Variants in AFG3L2 observed in about 807,000 individuals in gnomAD.
The protein encoded by AFG3L2 is mitochondrial inner membrane m-AAA protease component AFG3L2.
In AFG3L2, 54 loss-of-function variants were observed where a neutral mutation model predicts 94.5. The observed-to-expected ratio is 0.57, with a 90% CI of 0.46 to 0.72. The LOEUF is 0.72. AFG3L2 is among the 30% of genes least tolerant of loss of function. The pLI is 0.00. For missense variants in AFG3L2, 754 were observed against 994.9 expected (o/e 0.76, Z 3.26); for synonymous variants, 377 against 365.5 (o/e 1.03, Z -0.36).
intron 1 of AFG3L2, among the ~76,000 whole-genome samples, chr18:12,373,746 A>G (rs76450265): frequency 6.6e-6 from 1 of 152,164 alleles, no homozygotes; most frequent in Non-Finnish European, 1.5e-5. Flanking sequence ...GAGAAGGTCA[A>G]TGGCAAAGCA....
chr18:12,357,234 G>A (rs1159231400), intron 8 of AFG3L2, among the ~76,000 whole-genome samples: 1 of 152,062 alleles, frequency 6.6e-6, no homozygotes, highest in South Asian at 2.1e-4. Flanking sequence ...AAGTAAAATT[G>A]GTTTTTGAGC....
intron 12 of AFG3L2, among the ~76,000 whole-genome samples, chr18:12,349,044 C>A (rs1418831512): frequency 1.3e-5 from 2 of 152,174 alleles, no homozygotes; most frequent in African/African-American, 4.8e-5. Flanking sequence ...TGTATATAAT[C>A]TTTTCATACT....
chr18:12,352,936 A>C, intron 10 of AFG3L2, 69 bp downstream of exon 10: 1 of 1,596,842 alleles, frequency 6.3e-7, no homozygotes, highest in African/African-American at 1.3e-5. Context: ...CCTGGACGAC[A>C]GAGTCAGACT....
rs74648343 is a variant in AFG3L2, at chr18:12,371,766, T to G, written c.115-75A>C. On this transcript the variant is annotated intron_variant, in intron 1 of 16. Transcript: ENST00000269143. ...TTAAAAGAGCTTCATTTCCTGGTCATAAAGTAGATGAAAGGTCTCTCTCTT... is the reference window on the plus strand; with the variant it reads ...TTAAAAGAGCTTCATTTCCTGGTCAGAAAGTAGATGAAAGGTCTCTCTCTT... 1.6e-5 allele frequency: 20 copies of G among 1,215,384 alleles called. No individual in the cohort carries two copies. The East Asian group carries it at 5.0e-4, about 30-fold the overall frequency. 75.3% of individuals were successfully genotyped at this position (1,215,384 alleles called of 1,614,324 possible).
intron 6 of AFG3L2, chr18:12,360,374 T>C (rs1239001054): frequency 6.4e-6 from 2 of 312,490 alleles, no homozygotes; most frequent in Admixed American, 9.8e-5. Flanking sequence ...TCCCTCTTCC[T>C]CTATTTCCTA....
intron 13 of AFG3L2, among the ~76,000 whole-genome samples, chr18:12,347,550 TA>T (rs1331848784): frequency 5.4e-4 from 38 of 70,764 alleles, no homozygotes; most frequent in East Asian, 4.7e-3. Context: ...TATTTATTAT[TA>T]TTATTTTTTT....
Position 12,340,196 on chromosome 18 carries a change from C to T in AFG3L2, c.1980+5G>A. ...AGGAGGAAATGCACTCTTTCATATACTCACTTGGGCATATGCACTCTGAGT... is the reference window on the plus strand; with the variant it reads ...AGGAGGAAATGCACTCTTTCATATATTCACTTGGGCATATGCACTCTGAGT... On this transcript the variant is annotated splice_donor_5th_base_variant and intron_variant, in intron 15 of 16. Coordinates refer to ENST00000269143, the MANE Select transcript of AFG3L2 (RefSeq NM_006796.3). The T allele has an allele frequency of 6.2e-7, 1 of 1,610,976 alleles. No homozygotes were observed. Among genetic ancestry groups the T allele is most frequent in the Non-Finnish European group, 8.5e-7 (1 of 1,177,422 alleles).
chr18:12,351,507 G>A lies in AFG3L2; in HGVS notation c.1319-94C>T, dbSNP rs577933723. 5.7e-6 allele frequency: 6 copies of A among 1,052,546 alleles called. No homozygotes were observed. In the East Asian group the frequency reaches 9.9e-5, roughly 17 times the overall value. 65.2% of individuals were successfully genotyped at this position (1,052,546 alleles called of 1,614,324 possible). A position where few individuals can be genotyped will look rare whatever the true frequency, so the allele number is the denominator to read the frequency against. Reference sequence around the variant, plus strand: ...AACATATGAGCACTGCAAATTCATAGCTACAGTAAACACATTTTCTATTCA... The same window carrying A: ...AACATATGAGCACTGCAAATTCATAACTACAGTAAACACATTTTCTATTCA... On this transcript the variant is annotated intron_variant, in intron 10 of 16. Coordinates refer to ENST00000269143, the MANE Select transcript of AFG3L2 (RefSeq NM_006796.3).
intron 6 of AFG3L2, among the ~76,000 whole-genome samples, chr18:12,362,358 G>A (rs1287369135): frequency 6.6e-6 from 1 of 152,120 alleles, no homozygotes; most frequent in Non-Finnish European, 1.5e-5. Flanking sequence ...ATATACATTC[G>A]CTGTAAAAAC....
In AFG3L2 at chr18:12,370,884, G is replaced by A; in HGVS notation, c.257C>T (p.Ala86Val). The A allele has an allele frequency of 1.3e-6, 2 of 1,586,598 alleles. No homozygotes were observed. The highest frequency in any genetic ancestry group is 1.7e-6 in the Non-Finnish European group (2 of 1,158,152). ...YFPNGKNGKK[A>V]SEPKEVMGEK... The stretch of plus-strand genomic sequence containing the variant: ...TCCCATAACTTCTTTAGGTTCACTA[G>A]CTTTTTTTCCATTTTTTCCATTAGG... The change falls in exon 3 of 17, where the codon GCT becomes GTT. Residue 86 changes from alanine (A) to valine (V), a missense_variant. By Grantham distance (64) the Ala-to-Val change is moderately conservative. Coordinates refer to ENST00000269143, the MANE Select transcript of AFG3L2 (RefSeq NM_006796.3).
intron 16 of AFG3L2, among the ~76,000 whole-genome samples, chr18:12,334,252 G>A (rs780216402): frequency 6.6e-6 from 1 of 152,234 alleles, no homozygotes. Flanking sequence ...AAACTGTCCA[G>A]TGTTTCAAGA....
chr18:12,351,468 A>G, intron 10 of AFG3L2, 55 bp from the exon 11 acceptor site: 3 of 1,476,176 alleles, frequency 2.0e-6, no homozygotes, highest in Non-Finnish European at 2.8e-6. Flanking sequence ...AGAAAGCAAC[A>G]GTGCACCATC....
chr18:12,346,338 C>A (rs1908134214), intron 13 of AFG3L2, among the ~76,000 whole-genome samples: 1 of 152,214 alleles, frequency 6.6e-6, no homozygotes, highest in South Asian at 2.1e-4. Context: ...CTGGCACACC[C>A]TGGGACCACC....
At chr18:12,363,904 G>T in intron 5 of AFG3L2, 48 bp from the exon 6 acceptor site, 1 of 1,347,686 alleles carries the variant, frequency 7.4e-7, no homozygotes, top group South Asian at 1.2e-5. Flanking sequence ...GAAAATACTT[G>T]AGATACTCTT....
rs528323051 is a variant in AFG3L2 at position 12,355,474 on chromosome 18, A to G, written c.1164+1220T>C. Among the ~76,000 whole-genome samples the G allele has an allele frequency of 3.3e-5, 5 of 152,336 alleles. No homozygotes were observed. The South Asian group carries it at 1.0e-3, about 32-fold the overall frequency. On this transcript the variant is annotated intron_variant, in intron 9 of 16. Transcript: ENST00000269143. ...TCAGAACCCCTTACACATTGCTGGTAGGGATGGAAAATGGGCAAGTAGTTT... is the reference window on the plus strand; with the variant it reads ...TCAGAACCCCTTACACATTGCTGGTGGGGATGGAAAATGGGCAAGTAGTTT...
intron 10 of AFG3L2, among the ~76,000 whole-genome samples, chr18:12,351,911 T>C (rs1213897865): frequency 2.0e-5 from 3 of 152,204 alleles, no homozygotes; most frequent in Non-Finnish European, 2.9e-5. Context: ...TCCTTGAAAA[T>C]AATCATATAT....
chr18:12,354,682 C>A (rs904459721), intron 9 of AFG3L2, among the ~76,000 whole-genome samples: 1 of 152,162 alleles, frequency 6.6e-6, no homozygotes, highest in Non-Finnish European at 1.5e-5. Context: ...CTGAGCACCC[C>A]CTCCTATCAT....
Position 12,337,509 on chromosome 18 carries a change from C to T in AFG3L2, c.2007G>A (p.Lys669=). 1 of 1,614,228 alleles carries T rather than the reference C, an allele frequency of 6.2e-7. No homozygotes were observed. The highest frequency in any genetic ancestry group is 8.5e-7 in the Non-Finnish European group (1 of 1,180,044). ...GGAGGTCAAAGGAGATTTGCCCAAC[C>T]TTTTCATTCATGCCAAACTGAACAA... is the stretch of plus-strand genomic sequence containing the variant. ...AQIVQFGMNE[K]VGQISFDLPR... The change falls in exon 16 of 17, where the codon AAG becomes AAA. Residue 669 remains lysine, a synonymous_variant. Coordinates refer to ENST00000269143, the MANE Select transcript of AFG3L2 (RefSeq NM_006796.3).
At chr18:12,352,250 C>G (rs971360070) in intron 10 of AFG3L2, among the ~76,000 whole-genome samples, 6 of 152,216 alleles carry the variant, frequency 3.9e-5, no homozygotes, top group African/African-American at 1.4e-4. Context: ...AGATGTGGTG[C>G]TCCAATGTGA....
Sources: gnomAD v4.1 joint callset for allele counts (sites outside exome capture counted in the v4.1 genomes callset) on GRCh38, gnomAD v4.1.1 for gene constraint, MANE v1.5 for transcripts, NCBI Gene and HGNC (gene_info 2026-07-23, HGNC 2026-07-21) for gene names.